Variants in FAM227A observed in about 807,000 individuals in gnomAD.
FAM227A encodes the protein protein FAM227A.
In FAM227A, 80 loss-of-function variants were observed where a neutral mutation model predicts 74.7. That is an observed-to-expected ratio of 1.07 (90% CI 0.89 to 1.29). FAM227A has a LOEUF of 1.29. Among genes scored for constraint, FAM227A ranks in the 50% most tolerant of loss-of-function variants. The probability of loss-of-function intolerance (pLI) is 0.00; values close to 1 mark genes in which losing one functional copy is unlikely to be tolerated. For synonymous variants in FAM227A, 237 were observed against 241.8 expected (o/e 0.98, Z 0.19); for missense variants, 654 against 683.4 (o/e 0.96, Z 0.48).
intron 2 of FAM227A, among the ~76,000 whole-genome samples, chr22:38,646,399 A>G (rs889169114): frequency 6.9e-6 from 1 of 144,690 alleles, no homozygotes; most frequent in Non-Finnish European, 1.5e-5. Context: ...AGCTGGGACT[A>G]CAGGCGCCCG....
At chr22:38,625,267 T>C (rs145016336) in intron 9 of FAM227A, among the ~76,000 whole-genome samples, 26 of 151,778 alleles carry the variant, frequency 1.7e-4, no homozygotes, top group Admixed American at 3.9e-4. Flanking sequence ...TGGGCACCTA[T>C]AGTCCCAGCT....
chr22:38,608,872 T>G (rs564156052), intron 11 of FAM227A, among the ~76,000 whole-genome samples: 2 of 147,136 alleles, frequency 1.4e-5, no homozygotes, highest in South Asian at 4.4e-4. Flanking sequence ...CTTGGCTCAC[T>G]GCAACCTCCA....
At chr22:38,607,914 T>A (rs1460871433) in intron 11 of FAM227A, among the ~76,000 whole-genome samples, 1 of 152,242 alleles carries the variant, frequency 6.6e-6, no homozygotes, top group African/African-American at 2.4e-5. Context: ...TACTAATGTG[T>A]TTGCACTGGG....
chr22:38,637,240 C>T (rs1444281024), intron 5 of FAM227A, among the ~76,000 whole-genome samples: 1 of 152,094 alleles, frequency 6.6e-6, no homozygotes, highest in Non-Finnish European at 1.5e-5. Context: ...GTTATGTTGT[C>T]TTCAGAATTA....
chr22:38,605,857 G>A (rs551391785), intron 12 of FAM227A, among the ~76,000 whole-genome samples: 5 of 151,954 alleles, frequency 3.3e-5, no homozygotes, highest in South Asian at 2.1e-4. Flanking sequence ...GACATAATTC[G>A]CATACTAACT....
chr22:38,655,882 A>T (rs921406072), intron 1 of FAM227A, among the ~76,000 whole-genome samples: 8 of 152,202 alleles, frequency 5.3e-5, no homozygotes, highest in Non-Finnish European at 1.2e-4. Flanking sequence ...GGCAGCCGGT[A>T]AACTCCTTGA....
In FAM227A at chr22:38,626,187, C is replaced by T; in HGVS notation, c.843G>A (p.Trp281Ter). The change falls in exon 9 of 17, where the codon TGG becomes TGA. Residue 281 changes from tryptophan to a stop codon, truncating the protein, a stop_gained. Coordinates refer to ENST00000535113, the MANE Select transcript of FAM227A (RefSeq NM_001013647.2). LOFTEE classifies it high-confidence loss of function. ...KSDICNTMSL[W>*]ISGTYPSPQS... is the part of the protein sequence containing the mutation. ...AAAAAAGTCACCTCTCACCTGAAAT[C>T]CACAGGCTCATTGTGTTACAGATGT... The T allele has an allele frequency of 6.4e-7, 1 of 1,551,330 alleles. No homozygotes were observed. The highest frequency in any genetic ancestry group is 8.7e-7 in the Non-Finnish European group (1 of 1,146,856).
chr22:38,639,580 T>C, intron 4 of FAM227A, 75 bp downstream of exon 4: 3 of 1,317,532 alleles, frequency 2.3e-6, no homozygotes, highest in Non-Finnish European at 3.2e-6. Flanking sequence ...TTGGGATTCC[T>C]ACTCAGTTGC....
intron 11 of FAM227A, among the ~76,000 whole-genome samples, chr22:38,618,010 C>T (rs1385378502): frequency 6.6e-6 from 1 of 152,014 alleles, no homozygotes; most frequent in Non-Finnish European, 1.5e-5. Context: ...GAGTAATAAC[C>T]AAATAATTAC....
At position 38,605,339 on chromosome 22, in the gene FAM227A, C is replaced by A. The variant is rs2091261927; in HGVS notation, c.1136G>T (p.Cys379Phe). The change falls in exon 13 of 17, where the codon TGT becomes TTT. Residue 379 changes from cysteine to phenylalanine, a missense_variant. Transcript: ENST00000535113. ...RMQNTAKEHH[C>F]QTLVLKKPTQ... The stretch of plus-strand genomic sequence containing the variant: ...AGGTTTCTTCAAGACCAGGGTCTGA[C>A]AATGATGCTCTGTCAATGTGACATT... 6.5e-7 allele frequency: 1 copy of A among 1,542,414 alleles called. No homozygotes were observed. Among genetic ancestry groups the A allele is most frequent in the Non-Finnish European group, 8.8e-7 (1 of 1,138,304 alleles).
At chr22:38,654,355 A>T (rs1268138084) in intron 1 of FAM227A, among the ~76,000 whole-genome samples, 1 of 151,894 alleles carries the variant, frequency 6.6e-6, no homozygotes, top group Admixed American at 6.6e-5. Context: ...CTCAAAAAAA[A>T]AGAAAAAATG....
chr22:38,599,245 G>A (rs897953075), intron 14 of FAM227A, among the ~76,000 whole-genome samples: 3 of 152,066 alleles, frequency 2.0e-5, no homozygotes, highest in East Asian at 3.9e-4. Context: ...ACAGGCGTGA[G>A]CTACCACGCC....
At chr22:38,640,275 T>G (rs4821801) in intron 3 of FAM227A, among the ~76,000 whole-genome samples, 1 of 151,922 alleles carries the variant, frequency 6.6e-6, no homozygotes, top group East Asian at 1.9e-4. Flanking sequence ...CCTCCTCATC[T>G]GCCCACCTCG....
intron 15 of FAM227A, among the ~76,000 whole-genome samples, 166 bp from the exon 16 acceptor site, chr22:38,591,706 A>G (rs2090940516): frequency 6.6e-6 from 1 of 152,188 alleles, no homozygotes; most frequent in Non-Finnish European, 1.5e-5. Context: ...GTGCAGCTCA[A>G]GAAATTTTCA....
At chr22:38,635,441 C>A (rs1290695377) in intron 6 of FAM227A, among the ~76,000 whole-genome samples, 1 of 151,998 alleles carries the variant, frequency 6.6e-6, no homozygotes, top group East Asian at 1.9e-4. Flanking sequence ...GATGAAGAGC[C>A]ATGAGGCACA....
At chr22:38,615,415 T>C (rs905726064) in intron 11 of FAM227A, among the ~76,000 whole-genome samples, 1 of 152,170 alleles carries the variant, frequency 6.6e-6, no homozygotes, top group African/African-American at 2.4e-5. Context: ...AGATAGGTTA[T>C]GGGAAGACAG....
At chr22:38,648,147 G>C (rs5757203) in intron 2 of FAM227A, among the ~76,000 whole-genome samples, 44,779 of 151,868 alleles carry the variant, frequency 0.29, 6,690 homozygotes, top group East Asian at 0.36. Flanking sequence ...GGAGTTCTGT[G>C]ACCCTGGAAT....
In FAM227A at chr22:38,623,255, T is replaced by C. The variant is rs2091729693; in HGVS notation, c.875A>G (p.Tyr292Cys). 6.4e-7 allele frequency: 1 copy of C among 1,551,446 alleles called. No individual in the cohort carries two copies. The highest frequency in any genetic ancestry group is 2.4e-5 in the East Asian group (1 of 40,936). Reference protein sequence around the residue: ...ISGTYPSPQSYDSWDYSELDP... With the variant: ...ISGTYPSPQSCDSWDYSELDP... ...TAGTTCCGAGTAGTCCCAGCTGTCA[T>C]AGCTCTGTGGGCTAGGATAGGTGCC... The change falls in exon 10 of 17, where the codon TAT becomes TGT. Residue 292 changes from tyrosine (Y) to cysteine (C), a missense_variant. Tyr to Cys is a radical substitution (Grantham distance 194). Transcript: ENST00000535113.
intron 11 of FAM227A, among the ~76,000 whole-genome samples, chr22:38,611,067 GA>G (rs140650153): frequency 7.4e-5 from 11 of 149,040 alleles, no homozygotes; most frequent in Non-Finnish European, 1.2e-4. Context: ...CTCGAAAAAA[GA>G]AAAAAAAAAT....
Sources: gnomAD v4.1 joint callset for allele counts (sites outside exome capture counted in the v4.1 genomes callset) on GRCh38, gnomAD v4.1.1 for gene constraint, MANE v1.5 for transcripts, NCBI Gene and HGNC (gene_info 2026-07-23, HGNC 2026-07-21) for gene names.